TRAPPC9: variants seen among roughly 807,000 people sequenced by gnomAD.
TRAPPC9 encodes the protein trafficking protein particle complex subunit 9, also known as IKK2 binding protein.
In TRAPPC9, 83 loss-of-function variants were observed where a neutral mutation model predicts 124.0. That is an observed-to-expected ratio of 0.67 (90% confidence interval 0.56 to 0.80). The LOEUF is 0.80. Among genes scored for constraint, TRAPPC9 ranks in the 30% least tolerant of loss-of-function variants. TRAPPC9 has a pLI of 0.00. For missense variants in TRAPPC9, 1,302 were observed against 1,508.3 expected (o/e 0.86, Z 2.27); for synonymous variants, 638 against 617.5 (o/e 1.03, Z -0.49).
intron 20 of TRAPPC9, among the ~76,000 whole-genome samples, chr8:139,905,365 T>C (rs1831289410): frequency 1.3e-5 from 2 of 152,222 alleles, no homozygotes; most frequent in Non-Finnish European, 2.9e-5. Context: ...GTGAAAACTT[T>C]GATCCTGGGA....
chr8:140,349,232 AG>A (rs1459734936), intron 9 of TRAPPC9, among the ~76,000 whole-genome samples: 1 of 59,618 alleles, frequency 1.7e-5, no homozygotes, highest in Non-Finnish European at 3.5e-5. Context: ...AGGGGGCCGA[AG>A]GGGGCACACG....
At chr8:140,193,513 A>AT (rs1285518702) in intron 17 of TRAPPC9, among the ~76,000 whole-genome samples, 1 of 150,284 alleles carries the variant, frequency 6.7e-6, no homozygotes, top group African/African-American at 2.5e-5. Context: ...CAAACTGTCC[A>AT]TTTTTTATAT....
intron 7 of TRAPPC9, among the ~76,000 whole-genome samples, chr8:140,377,356 T>C (rs1256228973): frequency 6.6e-6 from 1 of 152,166 alleles, no homozygotes; most frequent in African/African-American, 2.4e-5. Context: ...TGGAGCGCAG[T>C]GGCGTAATCT....
chr8:140,036,813 G>A (rs376021474), intron 17 of TRAPPC9, among the ~76,000 whole-genome samples: 17 of 152,192 alleles, frequency 1.1e-4, no homozygotes, highest in Admixed American at 8.5e-4. Flanking sequence ...GTGTGTTTAC[G>A]GAAAATCATC....
chr8:140,314,626 A>C (rs1191921047), intron 9 of TRAPPC9, among the ~76,000 whole-genome samples: 1 of 152,112 alleles, frequency 6.6e-6, no homozygotes, highest in Non-Finnish European at 1.5e-5. Flanking sequence ...GACTCTTCTA[A>C]CCTCTATTCT....
intron 21 of TRAPPC9, among the ~76,000 whole-genome samples, chr8:139,833,700 C>T (rs559770372): frequency 6.6e-6 from 1 of 152,222 alleles, no homozygotes; most frequent in East Asian, 1.9e-4. Context: ...GAAGCAGCTG[C>T]GGCCACCAAA....
At chr8:139,731,694 T>C (rs1360803375) in intron 22 of TRAPPC9, among the ~76,000 whole-genome samples, 1 of 152,044 alleles carries the variant, frequency 6.6e-6, no homozygotes, top group Non-Finnish European at 1.5e-5. Flanking sequence ...CAGGGTCCAA[T>C]CATGGAGCAG....
At chr8:139,894,476 GT>G (rs1830542668) in intron 20 of TRAPPC9, among the ~76,000 whole-genome samples, 1 of 152,142 alleles carries the variant, frequency 6.6e-6, no homozygotes, top group South Asian at 2.1e-4. Flanking sequence ...GGTGCCCTGA[GT>G]GCGCCACTCC....
chr8:140,084,864 T>C (rs1386732082), intron 17 of TRAPPC9, among the ~76,000 whole-genome samples: 1 of 152,220 alleles, frequency 6.6e-6, no homozygotes, highest in Non-Finnish European at 1.5e-5. Context: ...CCTGGTATCT[T>C]CTATCCTTGG....
Position 140,097,322 on chromosome 8 carries a change from G to C in TRAPPC9, c.2557-73243C>G. 6.6e-6 allele frequency: 1 copy of C among 152,384 alleles called. No homozygotes were observed. Among genetic ancestry groups the C allele is most frequent in the Non-Finnish European group, 1.5e-5 (1 of 68,184 alleles). The allele number at this position is 152,384 out of a possible 1,614,324, so 9.4% of individuals were successfully genotyped here. A position where few individuals can be genotyped will look rare whatever the true frequency, so the allele number is the denominator to read the frequency against. ...CCACAGGATGAGACGGCTCACCCGAGTCCGCCATGCGCAGCCCTGCCACTG... is the reference window on the plus strand; with the variant it reads ...CCACAGGATGAGACGGCTCACCCGACTCCGCCATGCGCAGCCCTGCCACTG... On this transcript the variant is annotated intron_variant, in intron 17 of 22. Transcript: ENST00000438773. This position sits in a 1 kb window ranked among gnomAD's most constrained non-coding sequence, Gnocchi z 4.2.
intron 18 of TRAPPC9, among the ~76,000 whole-genome samples, chr8:140,005,229 C>T (rs1838671201): frequency 6.6e-6 from 1 of 152,130 alleles, no homozygotes; most frequent in African/African-American, 2.4e-5. Context: ...ACCAAACCCT[C>T]AGCTCTAGAT....
intron 9 of TRAPPC9, among the ~76,000 whole-genome samples, chr8:140,331,429 A>G (rs775387341): frequency 3.3e-5 from 5 of 152,350 alleles, no homozygotes; most frequent in South Asian, 2.1e-4. Context: ...TTTTATGGAT[A>G]AGGACTCAAA....
intron 21 of TRAPPC9, among the ~76,000 whole-genome samples, chr8:139,826,942 A>G (rs1825681404): frequency 6.6e-6 from 1 of 152,136 alleles, no homozygotes; most frequent in Non-Finnish European, 1.5e-5. Flanking sequence ...TGGAACATAC[A>G]TGTCTTTAGG....
At chr8:140,137,970 G>A (rs6995136) in intron 17 of TRAPPC9, among the ~76,000 whole-genome samples, 75,139 of 152,108 alleles carry the variant, frequency 0.49, 18,789 homozygotes, top group African/African-American at 0.57. Context: ...GGCATAATAC[G>A]TGCCAATATT....
At chr8:140,402,373 G>A (rs938086991) in intron 6 of TRAPPC9, among the ~76,000 whole-genome samples, 2 of 150,762 alleles carry the variant, frequency 1.3e-5, no homozygotes, top group African/African-American at 4.9e-5. Flanking sequence ...ACTCCAGACT[G>A]GGCAACAGAG....
chr8:140,352,835 T>C (rs1480775045), intron 9 of TRAPPC9, among the ~76,000 whole-genome samples: 1 of 152,178 alleles, frequency 6.6e-6, no homozygotes, highest in African/African-American at 2.4e-5. Flanking sequence ...CTGTTCCCTA[T>C]TTCTCTCTCC....
intron 21 of TRAPPC9, among the ~76,000 whole-genome samples, chr8:139,771,543 G>T (rs539938212): frequency 6.6e-6 from 1 of 152,310 alleles, no homozygotes; most frequent in East Asian, 1.9e-4. Context: ...TAAAAAACAT[G>T]CAGGAGAGAA....
At chr8:139,739,602 C>G (rs764806777) in intron 21 of TRAPPC9, among the ~76,000 whole-genome samples, 6 of 152,196 alleles carry the variant, frequency 3.9e-5, no homozygotes, top group Non-Finnish European at 7.4e-5. Flanking sequence ...GCCTCCCTAC[C>G]AGCTCCATCC....
chr8:139,943,934 T>C (rs1834058250), intron 19 of TRAPPC9, among the ~76,000 whole-genome samples: 3 of 151,994 alleles, frequency 2.0e-5, no homozygotes. Flanking sequence ...TGGAACAATA[T>C]CAAACATTCT....
Sources: allele counts gnomAD v4.1 joint callset (sites outside exome capture counted in the v4.1 genomes callset), GRCh38; gene constraint gnomAD v4.1.1; non-coding constraint Gnocchi (gnomAD v3.1); transcripts MANE v1.5; gene names NCBI Gene and HGNC (gene_info 2026-07-23, HGNC 2026-07-21).